Variants in SCAPER observed in about 807,000 individuals in gnomAD.
SCAPER encodes S-phase cyclin A associated protein in the ER.
In SCAPER, 98 loss-of-function variants were observed where a neutral mutation model predicts 182.2. The ratio of observed to expected loss-of-function variants is 0.54; its 90% CI spans 0.46 to 0.64. SCAPER has a LOEUF of 0.64. SCAPER is among the 30% of genes least tolerant of loss of function. The probability of loss-of-function intolerance (pLI) is 0.00; values close to 1 mark genes in which losing one functional copy is unlikely to be tolerated. For synonymous variants in SCAPER, 605 were observed against 564.6 expected (o/e 1.07, Z -1.01); for missense variants, 1,432 against 1,690.0 (o/e 0.85, Z 2.68).
At chr15:76,462,895 G>A (rs974790502) in intron 25 of SCAPER, among the ~76,000 whole-genome samples, 1 of 152,098 alleles carries the variant, frequency 6.6e-6, no homozygotes, top group Non-Finnish European at 1.5e-5. Flanking sequence ...TAGGATTTAG[G>A]AGACCTGAAT....
intron 17 of SCAPER, among the ~76,000 whole-genome samples, chr15:76,719,285 A>G (rs1385833172): frequency 1.3e-5 from 2 of 152,198 alleles, no homozygotes; most frequent in African/African-American, 2.4e-5. Context: ...TGAGCCACAC[A>G]TGGAAAGAAA....
chr15:76,765,758 G>A (rs2063073968), intron 11 of SCAPER, 120 bp from the exon 12 acceptor site: 5 of 811,854 alleles, frequency 6.2e-6, no homozygotes, highest in Admixed American at 2.5e-5. Context: ...ACCAACAGTT[G>A]AAAACCAGGA....
chr15:76,850,839 G>A (rs1210895833), intron 4 of SCAPER, among the ~76,000 whole-genome samples: 5 of 131,780 alleles, frequency 3.8e-5, no homozygotes, highest in South Asian at 2.4e-4. Flanking sequence ...CAGCCTGGGC[G>A]AAAGAGCAAG....
At chr15:76,511,053 A>C (rs2041989568) in intron 23 of SCAPER, among the ~76,000 whole-genome samples, 1 of 152,196 alleles carries the variant, frequency 6.6e-6, no homozygotes, top group East Asian at 1.9e-4. Flanking sequence ...CTAAGCTATG[A>C]GGATGCAAAG....
At chr15:76,417,209 C>CTG (rs61258713) in intron 26 of SCAPER, among the ~76,000 whole-genome samples, 78,889 of 151,446 alleles carry the variant, frequency 0.52, 21,455 homozygotes, top group Non-Finnish European at 0.61. Flanking sequence ...TAAAGATAGT[C>CTG]TGTGTGTGTT....
chr15:76,363,200 G>T (rs1157904054), intron 29 of SCAPER, among the ~76,000 whole-genome samples: 3 of 152,218 alleles, frequency 2.0e-5, no homozygotes, highest in African/African-American at 7.2e-5. Flanking sequence ...TATATTCACT[G>T]CTGTATTCCT....
chr15:76,680,791 ACT>A (rs2057659559), intron 20 of SCAPER, among the ~76,000 whole-genome samples: 1 of 152,190 alleles, frequency 6.6e-6, no homozygotes, highest in African/African-American at 2.4e-5. Flanking sequence ...TGAGGACCTC[ACT>A]ATGTGCTCAA....
chr15:76,754,104 C>A (rs1420652919), intron 14 of SCAPER, among the ~76,000 whole-genome samples, 156 bp from the exon 15 acceptor site: 1 of 152,046 alleles, frequency 6.6e-6, no homozygotes, highest in Non-Finnish European at 1.5e-5. Flanking sequence ...TGAAGCCAGA[C>A]TACCTGAATT....
intron 18 of SCAPER, among the ~76,000 whole-genome samples, chr15:76,704,506 G>A (rs2059138311): frequency 6.6e-6 from 1 of 152,258 alleles, no homozygotes; most frequent in South Asian, 2.1e-4. Context: ...TGTATAAGGT[G>A]TAAGGAAGGG....
intron 14 of SCAPER, among the ~76,000 whole-genome samples, chr15:76,763,354 G>T (rs899226699): frequency 1.4e-5 from 2 of 148,046 alleles, no homozygotes; most frequent in African/African-American, 5.0e-5. Context: ...GGTGGGGGGT[G>T]GTGGGGGGGC....
Position 76,839,918 on chromosome 15 carries a change from A to T in SCAPER, c.393+1816T>A, listed in dbSNP as rs1313474620. Among the ~76,000 whole-genome samples the T allele has an allele frequency of 1.1e-4, 16 of 152,322 alleles. No individual in the cohort carries two copies. In the South Asian group the frequency reaches 3.3e-3, roughly 32 times the overall value. On this transcript the variant is annotated intron_variant, in intron 5 of 31. Coordinates refer to ENST00000563290, the MANE Select transcript of SCAPER (RefSeq NM_020843.4). ...ATTTTTAAGTAAATTTGATTTCATC[A>T]ATCAGTCATTTGTTATTTTTAAACA... is the stretch of plus-strand genomic sequence containing the variant.
chr15:76,874,887 C>T (rs2073033231), intron 2 of SCAPER, among the ~76,000 whole-genome samples: 1 of 152,008 alleles, frequency 6.6e-6, no homozygotes, highest in South Asian at 2.1e-4. Context: ...CACTGGAGCC[C>T]AGGAGTTCAA....
chr15:76,466,416 C>CTTTTTTTTT lies in SCAPER; in HGVS notation c.3078+4795_3078+4796insAAAAAAAAA, dbSNP rs1268592485. Among the ~76,000 whole-genome samples the CTTTTTTTTT allele has an allele frequency of 1.1e-3, 41 of 36,754 alleles. 1 individual carries two copies. The highest frequency in any genetic ancestry group is 1.3e-3 in the Non-Finnish European group (20 of 15,270). 24.1% of individuals were successfully genotyped at this position (36,754 alleles called of 152,430 possible). On this transcript the variant is annotated intron_variant, in intron 25 of 31. Transcript: ENST00000563290. ...TCTTCAGTTCCAAAATTGGTTGGTT[C>CTTTTTTTTT]TTCTTTTTTTTTTTTTTTTTTTTTT... is the stretch of plus-strand genomic sequence containing the variant.
chr15:76,853,480 C>A (rs2070995696), intron 4 of SCAPER, among the ~76,000 whole-genome samples: 1 of 151,828 alleles, frequency 6.6e-6, no homozygotes, highest in African/African-American at 2.4e-5. Context: ...AAGTAGGCTT[C>A]ATCCCCGGGA....
chr15:76,554,693 A>C (rs1171380564), intron 23 of SCAPER, among the ~76,000 whole-genome samples: 2 of 152,126 alleles, frequency 1.3e-5, no homozygotes, highest in African/African-American at 2.4e-5. Context: ...AGAAGGGGTA[A>C]GGCCACTTAC....
chr15:76,448,613 A>G (rs1188577653), intron 25 of SCAPER, among the ~76,000 whole-genome samples: 1 of 152,186 alleles, frequency 6.6e-6, no homozygotes, highest in African/African-American at 2.4e-5. Flanking sequence ...AAGATTGTAC[A>G]GTTTGGTAGG....
intron 22 of SCAPER, among the ~76,000 whole-genome samples, chr15:76,615,061 AATG>A (rs2051326558): frequency 6.6e-6 from 1 of 152,228 alleles, no homozygotes; most frequent in African/African-American, 2.4e-5. Flanking sequence ...GCCAAAATCT[AATG>A]ATGAAGAAAT....
Position 76,381,512 on chromosome 15 carries a change from G to A in SCAPER, c.3571C>T (p.Leu1191Phe). ...AGVLHMLYCV[L>F]FHGTILDPST... is the part of the protein sequence containing the mutation. ...GGGTCCAAGATGGTGCCATGGAAGAGGACACAGTAGAGCATATGAAGAACT... is the reference window on the plus strand; with the variant it reads ...GGGTCCAAGATGGTGCCATGGAAGAAGACACAGTAGAGCATATGAAGAACT... Residue 1191 changes from leucine (L) to phenylalanine (F), a missense_variant, in exon 28 of 32, where the codon CTC (leucine) becomes TTC (phenylalanine). Physicochemically the swap from Leu to Phe is conservative, Grantham distance 22 (BLOSUM62 0). Around this residue, in one of 5 missense-constraint regions of SCAPER, gnomAD observed 718 missense variants for 799.7 expected, o/e 0.90. Coordinates refer to ENST00000563290, the MANE Select transcript of SCAPER (RefSeq NM_020843.4). The A allele has an allele frequency of 6.2e-7, 1 of 1,613,428 alleles. No homozygotes were observed. The highest frequency in any genetic ancestry group is 8.5e-7 in the Non-Finnish European group (1 of 1,179,706).
intron 17 of SCAPER, among the ~76,000 whole-genome samples, chr15:76,725,891 A>G (rs1030140067): frequency 1.3e-5 from 2 of 151,528 alleles, no homozygotes; most frequent in Admixed American, 6.6e-5. Flanking sequence ...AAATGTTACA[A>G]GAAAATCCAG....
Sources: gnomAD v4.1 joint callset for allele counts (sites outside exome capture counted in the v4.1 genomes callset) on GRCh38, gnomAD v4.1.1 for gene constraint, gnomAD v4.1.1 regional missense constraint, MANE v1.5 for transcripts, NCBI Gene and HGNC (gene_info 2026-07-23, HGNC 2026-07-21) for gene names.